The following ANKRD30B variants were observed in gnomAD, a reference collection of about 807,000 sequenced individuals.
ANKRD30B encodes ankyrin repeat domain-containing protein 30B.
Under a neutral mutation model 202.2 loss-of-function variants are expected in ANKRD30B, and 144 were observed. That is an observed-to-expected ratio of 0.71 (90% CI 0.62 to 0.82). The LOEUF (loss-of-function observed/expected upper bound fraction) is 0.82, where lower values mean the gene tolerates loss of function less well. ANKRD30B is among the 40% of genes least tolerant of loss of function. The pLI, the probability that ANKRD30B is intolerant of heterozygous loss-of-function variation, is 0.00. For missense variants in ANKRD30B, 1,487 were observed against 1,669.1 expected (o/e 0.89, Z 1.90); for synonymous variants, 508 against 561.3 (o/e 0.91, Z 1.34).
chr18:14,867,758 G>T, the ANKRD30B span, among the ~76,000 whole-genome samples: 1 of 152,172 alleles, frequency 6.6e-6, no homozygotes, highest in African/African-American at 2.4e-5. Flanking sequence ...CCCACCCCAG[G>T]TCAGGAGGCC....
intron 33 of ANKRD30B, among the ~76,000 whole-genome samples, chr18:14,829,536 G>C (rs1185354691): frequency 3.3e-5 from 5 of 152,130 alleles, no homozygotes; most frequent in East Asian, 1.9e-4. Flanking sequence ...ACAATCCCAG[G>C]ATTGGTAGGA....
At chr18:14,896,353 G>T in the ANKRD30B span, among the ~76,000 whole-genome samples, 2 of 152,052 alleles carry the variant, frequency 1.3e-5, no homozygotes, top group Admixed American at 1.3e-4. Flanking sequence ...GGATGGTCTC[G>T]ATCTCCTGAC....
At chr18:14,810,307 G>A (rs940280081) in intron 28 of ANKRD30B, 127 bp downstream of exon 28, 10 of 602,008 alleles carry the variant, frequency 1.7e-5, no homozygotes, top group African/African-American at 9.4e-5. Context: ...TACAAATAAT[G>A]CAAATGTTAG....
At chr18:14,919,614 A>G in the ANKRD30B span, among the ~76,000 whole-genome samples, 1 of 152,242 alleles carries the variant, frequency 6.6e-6, no homozygotes, top group Non-Finnish European at 1.5e-5. Context: ...CCCATGGGGA[A>G]CTGAAGTGTT....
At chr18:14,879,953 G>T in the ANKRD30B span, among the ~76,000 whole-genome samples, 1 of 151,994 alleles carries the variant, frequency 6.6e-6, no homozygotes, top group Non-Finnish European at 1.5e-5. Context: ...TGAAATCCTT[G>T]CCTATACCAA....
At chr18:14,762,453 G>A (rs1177128204) in intron 6 of ANKRD30B, among the ~76,000 whole-genome samples, 2 of 152,136 alleles carry the variant, frequency 1.3e-5, no homozygotes, top group Non-Finnish European at 2.9e-5. Flanking sequence ...AGTCAGAAAA[G>A]CAATTCTTTG....
intron 1 of ANKRD30B, among the ~76,000 whole-genome samples, chr18:14,750,775 A>G (rs1264389967): frequency 1.3e-5 from 2 of 152,122 alleles, no homozygotes; most frequent in East Asian, 3.8e-4. Flanking sequence ...TTGACATTTG[A>G]AAATGTATTT....
At chr18:14,892,539 T>C in the ANKRD30B span, among the ~76,000 whole-genome samples, 19 of 151,872 alleles carry the variant, frequency 1.3e-4, no homozygotes, top group South Asian at 2.5e-3. Context: ...AGGAGTTCAA[T>C]ACTAACCTGG....
chr18:14,828,302 C>T lies in ANKRD30B; in HGVS notation c.2768C>T (p.Thr923Ile). 2 of 1,532,944 alleles carry T rather than the reference C, an allele frequency of 1.3e-6. No homozygotes were observed. The highest frequency in any genetic ancestry group is 2.2e-5 in the Admixed American group (1 of 46,124). The allele number at this position is 1,532,944 out of a possible 1,614,324, so 95.0% of individuals were successfully genotyped here. A position where few individuals can be genotyped will look rare whatever the true frequency, so the allele number is the denominator to read the frequency against. ...GAGGATGTGAGTTCTGTAGAGTCCA[C>T]ATTCAGGTAAGACTTTGCGGTTTTT... ...KAEDVSSVES[T>I]FSLFGKPTTE... The change falls in exon 33 of 44, where the codon ACA becomes ATA. Residue 923 changes from threonine to isoleucine, a missense_variant. Thr to Ile is a moderately conservative substitution (Grantham distance 89). Coordinates refer to ENST00000690538, the MANE Select transcript of ANKRD30B (RefSeq NM_001367607.2).
chr18:14,763,225 A>G (rs1247562493), intron 6 of ANKRD30B, among the ~76,000 whole-genome samples: 1 of 152,148 alleles, frequency 6.6e-6, no homozygotes. Flanking sequence ...CAGAAATTTT[A>G]TATCCAAGGT....
intron 27 of ANKRD30B, 40 bp downstream of exon 27, chr18:14,810,054 T>C (rs1480184512): frequency 2.1e-6 from 3 of 1,461,926 alleles, no homozygotes; most frequent in East Asian, 4.7e-5. Flanking sequence ...ATTACCTACA[T>C]ATTTTATGAA....
chr18:14,873,544 A>G, the ANKRD30B span, among the ~76,000 whole-genome samples: 180 of 149,370 alleles, frequency 1.2e-3, no homozygotes, highest in Admixed American at 1.7e-3. Context: ...AAAAAAAAAA[A>G]AGAGAGAATT....
the ANKRD30B span, among the ~76,000 whole-genome samples, chr18:14,922,610 G>A: frequency 1.3e-5 from 2 of 148,350 alleles, no homozygotes; most frequent in African/African-American, 2.5e-5. Flanking sequence ...AGCCAAGATC[G>A]CGCCACCGCA....
the ANKRD30B span, among the ~76,000 whole-genome samples, chr18:14,899,752 T>A: frequency 6.6e-6 from 1 of 152,158 alleles, no homozygotes; most frequent in African/African-American, 2.4e-5. Context: ...CAAATATACA[T>A]CAATTTAAAA....
At chr18:14,815,665 T>C (rs1019088187) in intron 30 of ANKRD30B, among the ~76,000 whole-genome samples, 12 of 152,254 alleles carry the variant, frequency 7.9e-5, no homozygotes, top group African/African-American at 2.9e-4. Context: ...AAGAAAATTC[T>C]GAATTTATTG....
At chr18:14,893,613 CAA>C in the ANKRD30B span, among the ~76,000 whole-genome samples, 14 of 126,832 alleles carry the variant, frequency 1.1e-4, no homozygotes, top group African/African-American at 1.2e-4. Flanking sequence ...CTCCATCTCA[CAA>C]AAAAAAAAAA....
At chr18:14,778,490 A>G (rs2143837033) in intron 10 of ANKRD30B, among the ~76,000 whole-genome samples, 1 of 152,352 alleles carries the variant, frequency 6.6e-6, no homozygotes, top group East Asian at 1.9e-4. Flanking sequence ...TTTGCCAGAG[A>G]ATTACAGCAA....
At chr18:14,760,760 A>T in intron 6 of ANKRD30B, 142 bp downstream of exon 6, 1 of 549,868 alleles carries the variant, frequency 1.8e-6, no homozygotes, top group Admixed American at 3.7e-5. Flanking sequence ...GTGTGTGTAT[A>T]TATATGTATA....
chr18:14,784,130 T>C (rs1967928330), intron 12 of ANKRD30B, among the ~76,000 whole-genome samples: 1 of 152,172 alleles, frequency 6.6e-6, no homozygotes, highest in Admixed American at 6.5e-5. Context: ...CTTAACTGCA[T>C]GATCTATGAA....
Sources: gnomAD v4.1 joint callset for allele counts (sites outside exome capture counted in the v4.1 genomes callset) on GRCh38, gnomAD v4.1.1 for gene constraint, MANE v1.5 for transcripts, NCBI Gene and HGNC (gene_info 2026-07-23, HGNC 2026-07-21) for gene names.